CTIF: variants seen among roughly 807,000 people sequenced by gnomAD.
CTIF encodes CBP80/20-dependent translation initiation factor.
Under a neutral mutation model 66.0 loss-of-function variants are expected in CTIF, and 21 were observed. That is an observed-to-expected ratio of 0.32 (90% CI 0.23 to 0.46). CTIF has a LOEUF of 0.46. Ranked by LOEUF, CTIF falls within the 20% of genes least tolerant of loss-of-function variation. CTIF has a pLI of 1.00. For synonymous variants in CTIF, 345 were observed against 326.4 expected, an observed-to-expected ratio of 1.06 and a Z score of -0.62; for missense variants, 739 against 812.7, an observed-to-expected ratio of 0.91 and a Z score of 1.10.
intron 1 of CTIF, among the ~76,000 whole-genome samples, chr18:48,607,280 G>A (rs937386647): frequency 1.3e-5 from 2 of 152,186 alleles, no homozygotes; most frequent in African/African-American, 4.8e-5. Context: ...AGGGAGAGCT[G>A]TAAGAGCGCT....
intron 1 of CTIF, chr18:48,566,075 A>C (rs2143554464): frequency 6.6e-6 from 1 of 152,326 alleles, no homozygotes; most frequent in East Asian, 1.9e-4. Context: ...ACAGGCAACA[A>C]GTTCTGCCAG....
At chr18:48,686,572 C>G (rs2091843930) in intron 6 of CTIF, among the ~76,000 whole-genome samples, 1 of 152,168 alleles carries the variant, frequency 6.6e-6, no homozygotes, top group Non-Finnish European at 1.5e-5. Context: ...CCTTGAGTGC[C>G]TGGGTTCTCA....
rs1157235048 is a variant in CTIF at position 48,855,334 on chromosome 18, A to T, written c.1528-2254A>T. Among the ~76,000 whole-genome samples, 3 of 152,360 alleles carry T rather than the reference A, an allele frequency of 2.0e-5. No individual in the cohort carries two copies. In the East Asian group the frequency reaches 5.8e-4, roughly 29 times the overall value. ...TACAGCATGTAGTATATTTTCATTC[A>T]TTCCACATTCCACTCAATATTTGAG... On this transcript the variant is annotated intron_variant, in intron 10 of 11. Transcript: ENST00000256413.
intron 1 of CTIF, among the ~76,000 whole-genome samples, chr18:48,598,022 T>G (rs2090018358): frequency 6.6e-6 from 1 of 152,218 alleles, no homozygotes; most frequent in African/African-American, 2.4e-5. Context: ...TTTCAGCCTT[T>G]CCAGCTCATC....
At chr18:48,600,775 G>A in intron 1 of CTIF, among the ~76,000 whole-genome samples, 1 of 152,140 alleles carries the variant, frequency 6.6e-6, no homozygotes, top group East Asian at 1.9e-4. Flanking sequence ...TGCTGGATGA[G>A]ATAGACAAAT....
rs528201723 is a variant in CTIF, at chr18:48,595,988, G to C, written c.-28-23550G>C. Among the ~76,000 whole-genome samples, 4 of 152,244 alleles carry C rather than the reference G, an allele frequency of 2.6e-5. No individual in the cohort carries two copies. The East Asian group carries it at 7.8e-4, about 30-fold the overall frequency. On this transcript the variant is annotated intron_variant, in intron 1 of 11. Coordinates refer to ENST00000256413, the MANE Select transcript of CTIF (RefSeq NM_014772.3). ...AGGAGGCAGTAGAGTCAACAAGGTGGCAGTCATGGTCTTTTGTAACTGAAT... is the reference window on the plus strand; with the variant it reads ...AGGAGGCAGTAGAGTCAACAAGGTGCCAGTCATGGTCTTTTGTAACTGAAT...
intron 2 of CTIF, 26 bp downstream of exon 2, chr18:48,619,771 A>T: frequency 6.7e-7 from 1 of 1,500,808 alleles, no homozygotes; most frequent in Non-Finnish European, 8.9e-7. Flanking sequence ...GGGTTGGGGC[A>T]GCTTGGGAAA....
chr18:48,562,372 G>A (rs1021537856), intron 1 of CTIF, among the ~76,000 whole-genome samples: 7 of 152,224 alleles, frequency 4.6e-5, no homozygotes, highest in African/African-American at 1.7e-4. Context: ...TTGAATTCAG[G>A]AGTCCTGCTC....
chr18:48,635,372 A>T (rs1403999287), intron 2 of CTIF, among the ~76,000 whole-genome samples: 1 of 133,564 alleles, frequency 7.5e-6, no homozygotes, highest in Non-Finnish European at 1.5e-5. Context: ...ACCCAAGAGC[A>T]TTGTGCATTG....
intron 10 of CTIF, among the ~76,000 whole-genome samples, chr18:48,849,216 G>C (rs796972769): frequency 2.0e-3 from 50 of 24,616 alleles, no homozygotes; most frequent in African/African-American, 7.4e-3. Context: ...TTTTTTTTTT[G>C]AGACAGAGTC....
intron 7 of CTIF, among the ~76,000 whole-genome samples, chr18:48,753,829 G>A (rs1266439413): frequency 6.6e-6 from 1 of 152,190 alleles, no homozygotes; most frequent in Non-Finnish European, 1.5e-5. Flanking sequence ...ACCAAGTGCA[G>A]CCTCCTTGCC....
At chr18:48,603,562 A>T (rs530205027) in intron 1 of CTIF, among the ~76,000 whole-genome samples, 116 of 120,056 alleles carry the variant, frequency 9.7e-4, no homozygotes, top group Middle Eastern at 6.3e-3. Context: ...TGGATGGATA[A>T]ATGGGGGGGT....
chr18:48,593,551 TTTTTGTATTTTTAG>T (rs891078473), intron 1 of CTIF, among the ~76,000 whole-genome samples: 1 of 151,612 alleles, frequency 6.6e-6, no homozygotes, highest in African/African-American at 2.4e-5. Flanking sequence ...CCGGCTAATT[TTTTTGTATTTTTAG>T]TAGAGACGGG....
rs1042437601 is a variant in CTIF, at chr18:48,861,849, A to G, written c.*2290A>G. 1 of 152,186 alleles carries G rather than the reference A, an allele frequency of 6.6e-6. No homozygotes were observed. Among genetic ancestry groups the G allele is most frequent in the Non-Finnish European group, 1.5e-5 (1 of 68,034 alleles). The allele number at this position is 152,186 out of a possible 1,614,324, so 9.4% of individuals were successfully genotyped here. A position where few individuals can be genotyped will look rare whatever the true frequency, so the allele number is the denominator to read the frequency against. ...CTGTTAGGACCAGAGTGTGAAGAAG[A>G]AGTGAAATATAAATATGTATACATA... On this transcript the variant is annotated 3_prime_UTR_variant, in exon 12 of 12. Coordinates refer to ENST00000256413, the MANE Select transcript of CTIF (RefSeq NM_014772.3).
At chr18:48,558,233 C>T (rs1313385696) in intron 1 of CTIF, among the ~76,000 whole-genome samples, 1 of 152,148 alleles carries the variant, frequency 6.6e-6, no homozygotes, top group African/African-American at 2.4e-5. Flanking sequence ...TCTATGTGTG[C>T]ATTAAAGAAT....
chr18:48,620,329 G>A (rs191009429), intron 2 of CTIF, among the ~76,000 whole-genome samples: 5 of 152,294 alleles, frequency 3.3e-5, no homozygotes, highest in Non-Finnish European at 4.4e-5. Flanking sequence ...CCTGACCTTG[G>A]AGGGGAGATG....
chr18:48,806,506 C>T (rs1471189632), intron 9 of CTIF, among the ~76,000 whole-genome samples: 1 of 152,214 alleles, frequency 6.6e-6, no homozygotes, highest in African/African-American at 2.4e-5. Context: ...TTCCCTAGGC[C>T]ATTCATTTTC....
intron 10 of CTIF, among the ~76,000 whole-genome samples, chr18:48,842,753 G>A (rs769092592): frequency 2.4e-4 from 36 of 152,226 alleles, no homozygotes; most frequent in Non-Finnish European, 3.4e-4. Flanking sequence ...TGGGTTTCTC[G>A]ATTAATTTCC....
At chr18:48,588,216 C>T (rs537673291) in intron 1 of CTIF, among the ~76,000 whole-genome samples, 1 of 152,336 alleles carries the variant, frequency 6.6e-6, no homozygotes, top group Admixed American at 6.5e-5. Context: ...AGGACACCCC[C>T]CAGCCCACTC....
Sources: gnomAD v4.1 joint callset for allele counts (sites outside exome capture counted in the v4.1 genomes callset) on GRCh38, gnomAD v4.1.1 for gene constraint, MANE v1.5 for transcripts, NCBI Gene and HGNC (gene_info 2026-07-23, HGNC 2026-07-21) for gene names.